Variants in UGT1A7 observed in about 807,000 individuals in gnomAD.
The protein encoded by UGT1A7 is UDP glucuronosyltransferase family 1 member A7, also known as UDP-glucuronosyltransferase 1A7.
Under a neutral mutation model 45.6 loss-of-function variants are expected in UGT1A7, and 33 were observed. The ratio of observed to expected loss-of-function variants is 0.72; its 90% CI spans 0.55 to 0.97. The LOEUF (loss-of-function observed/expected upper bound fraction) is 0.97, where lower values mean the gene tolerates loss of function less well. Among genes scored for constraint, UGT1A7 ranks in the 50% least tolerant of loss-of-function variants. The pLI is 0.00. For missense variants in UGT1A7, 684 were observed against 666.2 expected (o/e 1.03, Z -0.29); for synonymous variants, 274 against 250.6 (o/e 1.09, Z -0.88).
chr2:233,700,852 C>G (rs1159927866), intron 1 of UGT1A7, among the ~76,000 whole-genome samples: 2 of 152,028 alleles, frequency 1.3e-5, no homozygotes, highest in Non-Finnish European at 2.9e-5. Context: ...AGGTATATCT[C>G]CTAATGCTAT....
intron 1 of UGT1A7, among the ~76,000 whole-genome samples, chr2:233,761,822 T>C (rs1451181524): frequency 6.6e-6 from 1 of 152,180 alleles, no homozygotes; most frequent in Non-Finnish European, 1.5e-5. Context: ...AGAGGCTCCT[T>C]CAGATGGAGC....
chr2:233,731,416 C>G (rs1172446293), intron 1 of UGT1A7, among the ~76,000 whole-genome samples: 1 of 151,828 alleles, frequency 6.6e-6, no homozygotes, highest in Admixed American at 6.6e-5. Flanking sequence ...GGTATTTTTC[C>G]TAATGCCATC....
intron 1 of UGT1A7, among the ~76,000 whole-genome samples, chr2:233,689,693 C>A (rs2074954055): frequency 6.6e-6 from 1 of 152,166 alleles, no homozygotes; most frequent in Non-Finnish European, 1.5e-5. Context: ...AGAGTTCAGT[C>A]GTTATTTCCC....
chr2:233,695,224 C>T (rs1201439974), intron 1 of UGT1A7, among the ~76,000 whole-genome samples: 1 of 151,202 alleles, frequency 6.6e-6, no homozygotes, highest in East Asian at 2.0e-4. Context: ...CTCCTGGGTT[C>T]AAGCGATTCT....
At chr2:233,724,236 C>T (rs1274284123) in intron 1 of UGT1A7, among the ~76,000 whole-genome samples, 29 of 110,938 alleles carry the variant, frequency 2.6e-4, no homozygotes, top group East Asian at 8.5e-4. Flanking sequence ...TAGGGGCGGC[C>T]GGGCAGAGGC....
At chr2:233,701,416 T>G (rs2125586525) in intron 1 of UGT1A7, among the ~76,000 whole-genome samples, 1 of 152,190 alleles carries the variant, frequency 6.6e-6, no homozygotes, top group African/African-American at 2.4e-5. Flanking sequence ...CACCCCACTG[T>G]CAACATTAGA....
intron 1 of UGT1A7, among the ~76,000 whole-genome samples, chr2:233,720,687 C>A (rs1440399782): frequency 1.3e-5 from 2 of 151,626 alleles, no homozygotes; most frequent in Non-Finnish European, 2.9e-5. Flanking sequence ...GTTTCTAAAT[C>A]CATTAAGGGA....
At chr2:233,713,359 T>C (rs773018216) in intron 1 of UGT1A7, 18 of 1,614,046 alleles carry the variant, frequency 1.1e-5, no homozygotes, top group Non-Finnish European at 1.4e-5. Flanking sequence ...ATGTCTTTGA[T>C]CATACATAGG....
chr2:233,707,729 C>T (rs1575486988), intron 1 of UGT1A7, among the ~76,000 whole-genome samples: 1 of 152,064 alleles, frequency 6.6e-6, no homozygotes, highest in South Asian at 2.1e-4. Flanking sequence ...AATGTTACAA[C>T]GAACATTCTT....
intron 1 of UGT1A7, among the ~76,000 whole-genome samples, chr2:233,709,199 A>G (rs1321216422): frequency 1.3e-5 from 2 of 152,130 alleles, no homozygotes; most frequent in Non-Finnish European, 2.9e-5. Context: ...GTGGATCCTC[A>G]CCAGAAGTAC....
chr2:233,694,516 A>G (rs2125559626), intron 1 of UGT1A7, among the ~76,000 whole-genome samples: 1 of 152,322 alleles, frequency 6.6e-6, no homozygotes, highest in African/African-American at 2.4e-5. Context: ...CCTGACATGT[A>G]GGAAAAGGGC....
At chr2:233,694,023 A>G (rs2075196025) in intron 1 of UGT1A7, among the ~76,000 whole-genome samples, 1 of 152,122 alleles carries the variant, frequency 6.6e-6, no homozygotes, top group African/African-American at 2.4e-5. Context: ...CACATAGGAG[A>G]CCTGAGGCTG....
chr2:233,702,084 A>T (rs2075668919), intron 1 of UGT1A7, among the ~76,000 whole-genome samples: 1 of 152,172 alleles, frequency 6.6e-6, no homozygotes, highest in African/African-American at 2.4e-5. Context: ...GTATAGTCAC[A>T]GATTTGTACA....
chr2:233,772,485 T>A lies in UGT1A7; in HGVS notation c.1519T>A (p.Cys507Ser). The change falls in exon 5 of 5, where the codon TGT becomes AGT. Residue 507 changes from cysteine (C) to serine (S), a missense_variant. Physicochemically the swap from Cys to Ser is moderately radical, Grantham distance 112 (BLOSUM62 -1). Transcript: ENST00000373426. The stretch of plus-strand genomic sequence containing the variant: ...AGTGGCCTTCATCACCTTTAAATGT[T>A]GTGCTTATGGCTACCGGAAATGCTT... ...LTVAFITFKC[C>S]AYGYRKCLGK... 2 of 1,614,206 alleles carry A rather than the reference T, an allele frequency of 1.2e-6. No individual in the cohort carries two copies. The highest frequency in any genetic ancestry group is 1.7e-6 in the Non-Finnish European group (2 of 1,180,040).
chr2:233,715,588 A>G lies in UGT1A7; in HGVS notation c.855+32796A>G, dbSNP rs531738366. Reference sequence around the variant, plus strand: ...GGAGTCTGAGAGCAGCCTGGGCAACATGCTGAGACTCCATCTCTACAAAAA... The same window carrying G: ...GGAGTCTGAGAGCAGCCTGGGCAACGTGCTGAGACTCCATCTCTACAAAAA... On this transcript the variant is annotated intron_variant, in intron 1 of 4. Transcript: ENST00000373426. Among the ~76,000 whole-genome samples, 110 of 152,162 alleles carry G rather than the reference A, an allele frequency of 7.2e-4. 1 individual carries two copies. The highest frequency in any genetic ancestry group is 2.5e-3 in the African/African-American group (104 of 41,510).
Position 233,760,871 on chromosome 2 carries a change from G to A in UGT1A7, c.856-6163G>A, listed in dbSNP as rs767764203. 84 of 1,614,010 alleles carry A rather than the reference G, an allele frequency of 5.2e-5. No individual in the cohort carries two copies. Among genetic ancestry groups the A allele is most frequent in the Non-Finnish European group, 5.2e-5 (61 of 1,180,040 alleles). On this transcript the variant is annotated intron_variant, in intron 1 of 4. Transcript: ENST00000373426. ...CCCAACCCATTCTCCTACGTGCCCAGGCCTCTCTCCTCTCATTCAGATCAC... is the reference window on the plus strand; with the variant it reads ...CCCAACCCATTCTCCTACGTGCCCAAGCCTCTCTCCTCTCATTCAGATCAC...
intron 1 of UGT1A7, among the ~76,000 whole-genome samples, chr2:233,727,012 G>T (rs2077577761): frequency 6.6e-6 from 1 of 152,100 alleles, no homozygotes; most frequent in Non-Finnish European, 1.5e-5. Flanking sequence ...TTTATCATTT[G>T]TTGTTTTTGT....
chr2:233,727,414 G>A (rs1241262548), intron 1 of UGT1A7, among the ~76,000 whole-genome samples: 1 of 152,064 alleles, frequency 6.6e-6, no homozygotes, highest in East Asian at 1.9e-4. Context: ...GCCTCCTCAG[G>A]GTCTGGGAGT....
chr2:233,687,328 C>T (rs543520407), intron 1 of UGT1A7, among the ~76,000 whole-genome samples: 1 of 152,190 alleles, frequency 6.6e-6, no homozygotes, highest in East Asian at 1.9e-4. Context: ...GCAAGTTTCC[C>T]TTGAATGATT....
Sources: gnomAD v4.1 joint callset for allele counts (sites outside exome capture counted in the v4.1 genomes callset) on GRCh38, gnomAD v4.1.1 for gene constraint, MANE v1.5 for transcripts, NCBI Gene and HGNC (gene_info 2026-07-23, HGNC 2026-07-21) for gene names.